Variants in FANCB observed in about 807,000 individuals in gnomAD.
FANCB encodes FA complementation group B.
Under a neutral mutation model 38.9 loss-of-function variants are expected in FANCB, and 5 were observed. The observed-to-expected ratio is 0.13, with a 90% confidence interval of 0.07 to 0.27. The LOEUF is 0.27. Among genes scored for constraint, FANCB ranks in the 10% least tolerant of loss-of-function variants. The probability of loss-of-function intolerance (pLI) is 1.00; values close to 1 mark genes in which losing one functional copy is unlikely to be tolerated. For missense variants in FANCB, 573 were observed against 602.7 expected (o/e 0.95, Z 0.52); for synonymous variants, 236 against 215.4 (o/e 1.10, Z -0.84).
the FANCB span, among the ~76,000 whole-genome samples, chrX:14,817,311 C>T: frequency 8.9e-6 from 1 of 111,786 alleles, no homozygotes; most frequent in African/African-American, 3.3e-5. Flanking sequence ...TCTGCCCCTA[C>T]ATCCTCTTGT....
At chrX:14,700,374 TGTAAGGCAAGGCAGA>T in the FANCB span, among the ~76,000 whole-genome samples, 1 of 109,281 alleles carries the variant, frequency 9.2e-6, no homozygotes, top group Non-Finnish European at 1.9e-5. Context: ...GGGAAGGCAG[TGTAAGGCAAGGCAGA>T]GGGCTGAGGG....
chrX:14,864,834 A>G lies in FANCB; in HGVS notation c.677T>C (p.Ile226Thr), dbSNP rs1275915380. Residue 226 changes from isoleucine to threonine, a missense_variant, in exon 3 of 10, where the codon ATA becomes ACA. Transcript: ENST00000650831. ...SLESQEVLSD[I>T]YIIPPAYSSV... ...GCTGTAAGCAGGAGGAATAATGTAT[A>G]TATCACTTAATACTTCTTGACTTTC... is the stretch of plus-strand genomic sequence containing the variant. The G allele has an allele frequency of 2.5e-5, 30 of 1,207,185 alleles. No individual in the cohort carries two copies. The highest frequency in any genetic ancestry group is 3.1e-5 in the Non-Finnish European group (28 of 892,151).
the FANCB span, among the ~76,000 whole-genome samples, chrX:14,717,865 A>AT: frequency 1.8e-5 from 2 of 110,374 alleles, no homozygotes; most frequent in African/African-American, 3.3e-5. Context: ...TATTGCTTTT[A>AT]TATGGTTCAG....
the FANCB span, among the ~76,000 whole-genome samples, chrX:14,698,300 G>A: frequency 1.1e-4 from 12 of 111,070 alleles, no homozygotes; most frequent in African/African-American, 3.9e-4. Flanking sequence ...CCTAGTTTGG[G>A]GCCCACCTAG....
At chrX:14,693,005 C>A in the FANCB span, among the ~76,000 whole-genome samples, 1 of 108,406 alleles carries the variant, frequency 9.2e-6, no homozygotes, top group African/African-American at 3.4e-5. Flanking sequence ...AACTAACCTG[C>A]ACATTGTGCA....
chrX:14,823,513 T>C, the FANCB span, among the ~76,000 whole-genome samples: 1 of 112,276 alleles, frequency 8.9e-6, no homozygotes, highest in East Asian at 2.8e-4. Context: ...CAGTCCCTTT[T>C]CATTTAATGT....
At chrX:14,823,692 A>G in the FANCB span, among the ~76,000 whole-genome samples, 2 of 112,028 alleles carry the variant, frequency 1.8e-5, no homozygotes, top group Non-Finnish European at 3.8e-5. Context: ...AGGTAAATTT[A>G]CTAAAACAAA....
chrX:14,724,502 T>C, the FANCB span, among the ~76,000 whole-genome samples: 9 of 107,994 alleles, frequency 8.3e-5, no homozygotes, highest in South Asian at 3.7e-3. Flanking sequence ...GGTGGGCACC[T>C]GTAATCCCAG....
chrX:14,845,936 A>G (rs775666559), intron 7 of FANCB, among the ~76,000 whole-genome samples: 1 of 111,939 alleles, frequency 8.9e-6, no homozygotes, highest in Admixed American at 9.5e-5. Flanking sequence ...TGGTGACATG[A>G]CCAAAGAAAG....
chrX:14,697,479 TAATC>T, the FANCB span, among the ~76,000 whole-genome samples: 3,187 of 111,620 alleles, frequency 0.029, 102 homozygotes, highest in African/African-American at 0.091. Context: ...AAAATAATAA[TAATC>T]ACTACTATCC....
chrX:14,826,726 A>G, the FANCB span, among the ~76,000 whole-genome samples: 1 of 111,757 alleles, frequency 8.9e-6, no homozygotes, highest in Non-Finnish European at 1.9e-5. Flanking sequence ...ATGTTTTTCC[A>G]GTGTGTATCT....
the FANCB span, among the ~76,000 whole-genome samples, chrX:14,733,132 T>G: frequency 8.9e-6 from 1 of 112,144 alleles, no homozygotes; most frequent in African/African-American, 3.2e-5. Context: ...AGAGAATCCT[T>G]TCCCCATTTC....
At chrX:14,706,083 C>A in the FANCB span, among the ~76,000 whole-genome samples, 1 of 42,436 alleles carries the variant, frequency 2.4e-5, no homozygotes, top group African/African-American at 7.2e-5. Context: ...ACCATTAAAT[C>A]AGAATATTTA....
chrX:14,764,599 G>C, the FANCB span, among the ~76,000 whole-genome samples: 1 of 111,183 alleles, frequency 9.0e-6, no homozygotes, highest in Non-Finnish European at 1.9e-5. Context: ...CATTCAAGGG[G>C]AGGATATTAT....
the FANCB span, among the ~76,000 whole-genome samples, chrX:14,724,626 C>CAAAAAAAAAAAAAA: frequency 1.3e-3 from 63 of 49,571 alleles, no homozygotes; most frequent in African/African-American, 3.4e-3. Context: ...AACTCTGTCT[C>CAAAAAAAAAAAAAA]AAAAAAAAAA....
At chrX:14,695,834 A>G in the FANCB span, among the ~76,000 whole-genome samples, 1 of 111,642 alleles carries the variant, frequency 9.0e-6, no homozygotes, top group African/African-American at 3.3e-5. Context: ...AGGAAGAAGG[A>G]TCAAGTATTA....
the FANCB span, chrX:14,731,865 T>A: frequency 9.0e-6 from 1 of 111,341 alleles, no homozygotes; most frequent in Admixed American, 9.6e-5. Context: ...GATATTTACT[T>A]TATCTCATTT....
At chrX:14,836,900 T>A (rs886115842) in intron 10 of FANCB, among the ~76,000 whole-genome samples, 2 of 110,993 alleles carry the variant, frequency 1.8e-5, no homozygotes, top group Non-Finnish European at 3.8e-5. Flanking sequence ...TTTGTATTAA[T>A]TACCTCAATG....
chrX:14,710,355 T>C, the FANCB span, among the ~76,000 whole-genome samples: 2 of 112,033 alleles, frequency 1.8e-5, no homozygotes, highest in African/African-American at 6.5e-5. Context: ...GTTGATATCA[T>C]TGCTTGAAGC....
Sources: allele counts gnomAD v4.1 joint callset (sites outside exome capture counted in the v4.1 genomes callset), GRCh38; gene constraint gnomAD v4.1.1; transcripts MANE v1.5; gene names NCBI Gene and HGNC (gene_info 2026-07-23, HGNC 2026-07-21).